The following CBX8 variants were observed in gnomAD, a reference collection of about 807,000 sequenced individuals.
The protein encoded by CBX8 is chromobox 8.
Under a neutral mutation model 39.7 loss-of-function variants are expected in CBX8, and 8 were observed. The ratio of observed to expected loss-of-function variants is 0.20; its 90% CI spans 0.12 to 0.36. The LOEUF is 0.36. Among genes scored for constraint, CBX8 ranks in the 10% least tolerant of loss-of-function variants. CBX8 has a pLI of 1.00. For missense variants in CBX8, 505 were observed against 529.6 expected, an observed-to-expected ratio of 0.95 and a Z score of 0.46; for synonymous variants, 268 against 219.8, an observed-to-expected ratio of 1.22 and a Z score of -1.94.
intron 2 of CBX8, 71 bp downstream of exon 2, chr17:79,796,426 A>T: frequency 6.2e-7 from 1 of 1,603,462 alleles, no homozygotes; most frequent in Non-Finnish European, 8.5e-7. Flanking sequence ...TTCAATGTAA[A>T]GGCAAAAAGA....
chr17:79,796,405 T>C (rs769953958), intron 2 of CBX8, 90 bp from the exon 3 acceptor site: 5 of 1,590,062 alleles, frequency 3.1e-6, no homozygotes, highest in Admixed American at 3.3e-5. Flanking sequence ...TCTCATTGCA[T>C]TGTATTGTAT....
chr17:79,795,320 C>T lies in CBX8; in HGVS notation c.485G>A (p.Arg162Gln), dbSNP rs369788502. 1.1e-4 allele frequency: 177 copies of T among 1,585,002 alleles called. No individual in the cohort carries two copies. Among genetic ancestry groups the T allele is most frequent in the Non-Finnish European group, 1.5e-4 (169 of 1,165,292 alleles). The change falls in exon 5 of 5, where the codon CGA (arginine) becomes CAA (glutamine). Residue 162 changes from arginine to glutamine, a missense_variant. Transcript: ENST00000269385. The surrounding 1 kb of genome is among the most constrained non-coding windows in gnomAD (Gnocchi z 5.8). ...CCTCTCTCGCTCCCTCTCCCTTTCT[C>T]GATCCCGCTCCCGGTCCCTATCCCG... ...RDRDRDRERD[R>Q]ERERERERER...
rs1174651150 is a variant in CBX8 at position 79,794,663 on chromosome 17, T to C, written c.1142A>G (p.Asp381Gly). Residue 381 changes from aspartate (D) to glycine (G), a missense_variant, in exon 5 of 5, where the codon GAC (aspartate) becomes GGC (glycine). By Grantham distance (94) the Asp-to-Gly change is moderately conservative. Coordinates refer to ENST00000269385, the MANE Select transcript of CBX8 (RefSeq NM_020649.3). ...LTVTIKESNT[D>G]QGFFKEKR ...TCTTTTCTCTTTAAAAAAGCCTTGG[T>C]CCGTGTTACTTTCCTTAATGGTGAC... 1 of 1,584,032 alleles carries C rather than the reference T, an allele frequency of 6.3e-7. No homozygotes were observed.
chr17:79,795,418 C>G lies in CBX8; in HGVS notation c.387G>C (p.Leu129Phe). The G allele has an allele frequency of 6.2e-7, 1 of 1,604,718 alleles. No individual in the cohort carries two copies. Among genetic ancestry groups the G allele is most frequent in the Non-Finnish European group, 8.5e-7 (1 of 1,176,474 alleles). ...RAREGLRNMG[L>F]SPPASSTSTS... ...TGCTGGTGCTGCTCGCTGGCGGGGA[C>G]AAACCCATGTTTCGAAGGCCCTCCC... Residue 129 changes from leucine (L) to phenylalanine (F), a missense_variant, in exon 5 of 5, where the codon TTG (leucine) becomes TTC (phenylalanine). Transcript: ENST00000269385. This position sits in a 1 kb window ranked among gnomAD's most constrained non-coding sequence, Gnocchi z 5.8.
At position 79,794,312 on chromosome 17, in the gene CBX8, C is replaced by T. The variant is rs1256140500; in HGVS notation, c.*323G>A. The T allele has an allele frequency of 1.9e-5, 3 of 158,652 alleles. No individual in the cohort carries two copies. Among genetic ancestry groups the T allele is most frequent in the African/African-American group, 7.2e-5 (3 of 41,544 alleles). The allele number at this position is 158,652 out of a possible 1,614,324, so 9.8% of individuals were successfully genotyped here. On this transcript the variant is annotated 3_prime_UTR_variant, in exon 5 of 5. Coordinates refer to ENST00000269385, the MANE Select transcript of CBX8 (RefSeq NM_020649.3). ...TCTGGGGCAAGGGGGCCCCTCCTGC[C>T]CCAGCTCATTCGGGCTGCCCCAACT...
In CBX8 at chr17:79,794,473, C is replaced by T; in HGVS notation, c.*162G>A. The T allele has an allele frequency of 5.9e-6, 3 of 512,756 alleles. No individual in the cohort carries two copies. The highest frequency in any genetic ancestry group is 1.0e-5 in the Non-Finnish European group (3 of 287,330). The allele number at this position is 512,756 out of a possible 1,614,324, so 31.8% of individuals were successfully genotyped here. A position where few individuals can be genotyped will look rare whatever the true frequency, so the allele number is the denominator to read the frequency against. ...CTAGAGATAATCTTTCCAACAAAAA[C>T]TGAGGGGGAGGAAGGAGGGATGAAA... On this transcript the variant is annotated 3_prime_UTR_variant, in exon 5 of 5. Coordinates refer to ENST00000269385, the MANE Select transcript of CBX8 (RefSeq NM_020649.3).
At position 79,794,595 on chromosome 17, in the gene CBX8, T is replaced by C; in HGVS notation, c.*40A>G. The C allele has an allele frequency of 6.9e-7, 1 of 1,444,214 alleles. No homozygotes were observed. The highest frequency in any genetic ancestry group is 1.4e-5 in the African/African-American group (1 of 70,206). The allele number at this position is 1,444,214 out of a possible 1,614,324, so 89.5% of individuals were successfully genotyped here. A position where few individuals can be genotyped will look rare whatever the true frequency, so the allele number is the denominator to read the frequency against. On this transcript the variant is annotated 3_prime_UTR_variant, in exon 5 of 5. Transcript: ENST00000269385. The stretch of plus-strand genomic sequence containing the variant: ...ATCACTATGCCAAGCTCACGCTCAC[T>C]CTCTCCCCTGCTCTCCTCCTGGACA...
chr17:79,796,424 A>T, intron 2 of CBX8, 73 bp downstream of exon 2: 1 of 1,604,240 alleles, frequency 6.2e-7, no homozygotes, highest in Non-Finnish European at 8.5e-7. Context: ...ATTTCAATGT[A>T]AAGGCAAAAA....
rs2145839889 is a variant in CBX8 at position 79,797,055 on chromosome 17, C to A, written c.-57G>T. ...CCAGGAGCAGAAAAGCAGCAGCCAGCGCACGACAGACCATAATACTCTCCC... is the reference window on the plus strand; with the variant it reads ...CCAGGAGCAGAAAAGCAGCAGCCAGAGCACGACAGACCATAATACTCTCCC... On this transcript the variant is annotated 5_prime_UTR_variant, in exon 1 of 5. Coordinates refer to ENST00000269385, the MANE Select transcript of CBX8 (RefSeq NM_020649.3). 2.0e-6 allele frequency: 3 copies of A among 1,538,424 alleles called. No individual in the cohort carries two copies. The South Asian group carries it at 3.5e-5, about 18-fold the overall frequency.
chr17:79,795,652 T>G lies in CBX8; in HGVS notation c.247-94A>C. ...TCCCTGACCTCCTATCTTTACCCTATGATGCCTGGGAATTTCTACATGGAT... is the reference window on the plus strand; with the variant it reads ...TCCCTGACCTCCTATCTTTACCCTAGGATGCCTGGGAATTTCTACATGGAT... On this transcript the variant is annotated intron_variant, in intron 4 of 4. Coordinates refer to ENST00000269385, the MANE Select transcript of CBX8 (RefSeq NM_020649.3). This position sits in a 1 kb window ranked among gnomAD's most constrained non-coding sequence, Gnocchi z 5.8. 1 of 594,280 alleles carries G rather than the reference T, an allele frequency of 1.7e-6. No individual in the cohort carries two copies. The highest frequency in any genetic ancestry group is 2.3e-6 in the Non-Finnish European group (1 of 438,290). 36.8% of individuals were successfully genotyped at this position (594,280 alleles called of 1,614,324 possible).
intron 1 of CBX8, 112 bp downstream of exon 1, chr17:79,796,818 G>A (rs1908112827): frequency 9.3e-7 from 1 of 1,074,402 alleles, no homozygotes; most frequent in Non-Finnish European, 1.3e-6. Flanking sequence ...CCACGGCCGC[G>A]GCCGCTGCTG....
Position 79,796,046 on chromosome 17 carries a change from T to G in CBX8, c.246+11A>C. 1 of 1,613,774 alleles carries G rather than the reference T, an allele frequency of 6.2e-7. No individual in the cohort carries two copies. The highest frequency in any genetic ancestry group is 2.2e-5 in the East Asian group (1 of 44,890). ...AACATGGTCCTCCACCATTGGACACTGCCAACCTACTTTGAGGAGGAAGGT... is the reference window on the plus strand; with the variant it reads ...AACATGGTCCTCCACCATTGGACACGGCCAACCTACTTTGAGGAGGAAGGT... On this transcript the variant is annotated intron_variant, in intron 4 of 4. Transcript: ENST00000269385.
rs1907993816 is a variant in CBX8, at chr17:79,794,535, C to G, written c.*100G>C. On this transcript the variant is annotated 3_prime_UTR_variant, in exon 5 of 5. Transcript: ENST00000269385. ...GGTGGGGGTGACATCAGGGACGGGA[C>G]CAGCCAAAAGGCCACATCCCACCCA... The G allele has an allele frequency of 1.1e-6, 1 of 902,216 alleles. No individual in the cohort carries two copies. The highest frequency in any genetic ancestry group is 1.7e-5 in the African/African-American group (1 of 59,794). The allele number at this position is 902,216 out of a possible 1,614,324, so 55.9% of individuals were successfully genotyped here.
Position 79,796,544 on chromosome 17 carries a change from C to A in CBX8, c.70-4G>T. 2 of 1,614,100 alleles carry A rather than the reference C, an allele frequency of 1.2e-6. No homozygotes were observed. Among genetic ancestry groups the A allele is most frequent in the African/African-American group, 1.3e-5 (1 of 75,024 alleles). ...TCACGAGGTATTCCATGCGTCCCTG[C>A]GGGTGCAAAGGCGATAATGTGTGTG... On this transcript the variant is annotated splice_polypyrimidine_tract_variant and splice_region_variant and intron_variant, in intron 1 of 4. Coordinates refer to ENST00000269385, the MANE Select transcript of CBX8 (RefSeq NM_020649.3).
chr17:79,796,579 A>G (rs775974800), intron 1 of CBX8, 39 bp from the exon 2 acceptor site: 1 of 1,610,142 alleles, frequency 6.2e-7, no homozygotes, highest in Non-Finnish European at 8.5e-7. Context: ...GCATGGGGAG[A>G]AACGCATGAC....
Position 79,792,150 on chromosome 17 carries a change from A to G in CBX8, c.*2485T>C, listed in dbSNP as rs1907901531. Reference sequence around the variant, plus strand: ...ACATGTCTCTATTTACAAAGTATATATTTAAACACGTAAAAAGCGGTATTG... The same window carrying G: ...ACATGTCTCTATTTACAAAGTATATGTTTAAACACGTAAAAAGCGGTATTG... On this transcript the variant is annotated 3_prime_UTR_variant, in exon 5 of 5. Transcript: ENST00000269385. 6.6e-6 allele frequency: 1 copy of G among 152,276 alleles called. No individual in the cohort carries two copies. The highest frequency in any genetic ancestry group is 1.5e-5 in the Non-Finnish European group (1 of 68,054). 9.4% of individuals were successfully genotyped at this position (152,276 alleles called of 1,614,324 possible). A position where few individuals can be genotyped will look rare whatever the true frequency, so the allele number is the denominator to read the frequency against.
rs996164053 is a variant in CBX8 at position 79,795,572 on chromosome 17, G to A, written c.247-14C>T. 7 of 1,502,314 alleles carry A rather than the reference G, an allele frequency of 4.7e-6. No individual in the cohort carries two copies. The highest frequency in any genetic ancestry group is 6.2e-6 in the Non-Finnish European group (7 of 1,127,504). 93.1% of individuals were successfully genotyped at this position (1,502,314 alleles called of 1,614,324 possible). On this transcript the variant is annotated splice_polypyrimidine_tract_variant and intron_variant, in intron 4 of 4. Transcript: ENST00000269385. This position sits in a 1 kb window ranked among gnomAD's most constrained non-coding sequence, Gnocchi z 5.8. ...CTTGGCCTGCGCCTGCAGGAGAGAA[G>A]ATGGTCTCAAGAGTGGGGCAGGGCC...
chr17:79,794,459 C>T lies in CBX8; in HGVS notation c.*176G>A. On this transcript the variant is annotated 3_prime_UTR_variant, in exon 5 of 5. Transcript: ENST00000269385. ...TAGAAAATATAACTCTAGAGATAAT[C>T]TTTCCAACAAAAACTGAGGGGGAGG... The T allele has an allele frequency of 2.0e-6, 1 of 497,482 alleles. No individual in the cohort carries two copies. The highest frequency in any genetic ancestry group is 3.6e-6 in the Non-Finnish European group (1 of 278,442). The allele number at this position is 497,482 out of a possible 1,614,324, so 30.8% of individuals were successfully genotyped here.
In CBX8 at chr17:79,795,941, C is replaced by T. The variant is rs2035641315; in HGVS notation, c.246+116G>A. 2 of 917,082 alleles carry T rather than the reference C, an allele frequency of 2.2e-6. No homozygotes were observed. The highest frequency in any genetic ancestry group is 4.8e-5 in the East Asian group (2 of 41,646). The allele number at this position is 917,082 out of a possible 1,614,324, so 56.8% of individuals were successfully genotyped here. A position where few individuals can be genotyped will look rare whatever the true frequency, so the allele number is the denominator to read the frequency against. On this transcript the variant is annotated intron_variant, in intron 4 of 4. Coordinates refer to ENST00000269385, the MANE Select transcript of CBX8 (RefSeq NM_020649.3). The surrounding 1 kb of genome is among the most constrained non-coding windows in gnomAD (Gnocchi z 5.8). Reference sequence around the variant, plus strand: ...TGACATCTTGTCAGGGAACTCCCTCCTACATTACAAATAGGCAACATGTGT... The same window carrying T: ...TGACATCTTGTCAGGGAACTCCCTCTTACATTACAAATAGGCAACATGTGT...
Sources: allele counts gnomAD v4.1 joint callset, GRCh38; gene constraint gnomAD v4.1.1; non-coding constraint Gnocchi (gnomAD v3.1); transcripts MANE v1.5; gene names NCBI Gene and HGNC (gene_info 2026-07-23, HGNC 2026-07-21).